The following FGD3 variants were observed in gnomAD, a reference collection of about 807,000 sequenced individuals.
The protein encoded by FGD3 is FYVE, RhoGEF and PH domain containing 3, also known as FYVE, RhoGEF and PH domain-containing protein 3.
A neutral mutation model predicts 71.8 loss-of-function variants in FGD3; 45 were observed. That is an observed-to-expected ratio of 0.63 (90% CI 0.49 to 0.80). The LOEUF is 0.80. Among genes scored for constraint, FGD3 ranks in the 30% least tolerant of loss-of-function variants. The probability of loss-of-function intolerance (pLI) is 0.00; values close to 1 mark genes in which losing one functional copy is unlikely to be tolerated. For synonymous variants in FGD3, 378 were observed against 392.8 expected (o/e 0.96, Z 0.44); for missense variants, 844 against 951.5 (o/e 0.89, Z 1.49).
chr9:92,982,744 G>A (rs1022378284), intron 3 of FGD3, among the ~76,000 whole-genome samples: 1 of 152,022 alleles, frequency 6.6e-6, no homozygotes, highest in Non-Finnish European at 1.5e-5. Context: ...AACGTTATCA[G>A]AAACCTGCAT....
At chr9:93,028,883 T>C (rs966324326) in intron 14 of FGD3, among the ~76,000 whole-genome samples, 27 of 151,178 alleles carry the variant, frequency 1.8e-4, no homozygotes, top group Admixed American at 1.4e-3. Flanking sequence ...CTACACCTGC[T>C]CCAGCCTCCA....
chr9:93,000,367 C>T (rs896485554), intron 3 of FGD3, among the ~76,000 whole-genome samples: 2 of 152,158 alleles, frequency 1.3e-5, no homozygotes, highest in Non-Finnish European at 2.9e-5. Context: ...CATGTGTTCA[C>T]CTTCACTGAA....
chr9:92,984,473 T>C (rs761991938), intron 3 of FGD3, among the ~76,000 whole-genome samples: 40 of 152,326 alleles, frequency 2.6e-4, no homozygotes, highest in Middle Eastern at 3.4e-3. Flanking sequence ...GACAAAGAGG[T>C]TATCTACATA....
At chr9:92,999,868 A>C (rs1860796519) in intron 3 of FGD3, among the ~76,000 whole-genome samples, 1 of 152,108 alleles carries the variant, frequency 6.6e-6, no homozygotes, top group African/African-American at 2.4e-5. Context: ...CTGGGATTAC[A>C]GGTGTGAGCC....
intron 13 of FGD3, 53 bp from the exon 14 acceptor site, chr9:93,022,274 G>A: frequency 6.4e-7 from 1 of 1,569,866 alleles, no homozygotes; most frequent in Non-Finnish European, 8.7e-7. Flanking sequence ...CCGCTGCACA[G>A]TGGCTGCGTG....
chr9:92,994,598 T>C (rs1201960415), intron 3 of FGD3, among the ~76,000 whole-genome samples: 1 of 152,282 alleles, frequency 6.6e-6, no homozygotes, highest in African/African-American at 2.4e-5. Flanking sequence ...AGGGTTTTTA[T>C]GGTTTTAGGT....
intron 1 of FGD3, among the ~76,000 whole-genome samples, chr9:92,955,348 A>C (rs1422361586): frequency 6.6e-6 from 1 of 152,094 alleles, no homozygotes; most frequent in African/African-American, 2.4e-5. Context: ...CAGCCTGACC[A>C]ACATGGAGAA....
intron 3 of FGD3, 57 bp from the exon 4 acceptor site, chr9:93,002,868 G>A (rs1387425733): frequency 1.8e-5 from 28 of 1,567,454 alleles, no homozygotes; most frequent in Non-Finnish European, 2.4e-5. Flanking sequence ...AGCCCGTTAG[G>A]TGCCGATTCC....
chr9:92,983,930 A>G (rs868413783), intron 3 of FGD3, among the ~76,000 whole-genome samples: 1 of 152,264 alleles, frequency 6.6e-6, no homozygotes, highest in Non-Finnish European at 1.5e-5. Flanking sequence ...TCTTGCATGT[A>G]AACTGTTTTT....
At chr9:93,010,450 A>G in intron 7 of FGD3, 66 bp downstream of exon 7, 1 of 1,452,826 alleles carries the variant, frequency 6.9e-7, no homozygotes, top group Non-Finnish European at 9.2e-7. Flanking sequence ...GGGGGTGGGG[A>G]GAGAGGGAGA....
chr9:93,012,651 G>A (rs1861461027), intron 8 of FGD3, among the ~76,000 whole-genome samples: 2 of 146,318 alleles, frequency 1.4e-5, no homozygotes, highest in Admixed American at 1.4e-4. Context: ...CAGGTGTGGT[G>A]GCTCACACCT....
chr9:93,015,790 G>A lies in FGD3; in HGVS notation c.1236G>A (p.Lys412=). The change falls in exon 10 of 18, where the codon AAG becomes AAA. Residue 412 remains lysine (K), a synonymous_variant. Transcript: ENST00000375482. ...CVPKLRLMGQ[K]FSVREKMDIS... ...CCAAGCTGCGGCTCATGGGCCAGAA[G>A]TTCAGCGTCCGGGAGAAGATGGACA... 2 of 1,614,196 alleles carry A rather than the reference G, an allele frequency of 1.2e-6. No individual in the cohort carries two copies. The highest frequency in any genetic ancestry group is 1.7e-6 in the Non-Finnish European group (2 of 1,180,026).
intron 1 of FGD3, among the ~76,000 whole-genome samples, chr9:92,957,025 C>T (rs1859066526): frequency 1.3e-5 from 2 of 152,068 alleles, no homozygotes; most frequent in Admixed American, 1.3e-4. Flanking sequence ...ATATCAGTGG[C>T]TTACTCCTTT....
intron 3 of FGD3, among the ~76,000 whole-genome samples, chr9:92,991,500 A>G (rs750590604): frequency 6.6e-6 from 1 of 152,084 alleles, no homozygotes; most frequent in Non-Finnish European, 1.5e-5. Context: ...GTTTTATTCC[A>G]TTGTGGTAAG....
At chr9:92,959,832 C>G (rs1378527011) in intron 1 of FGD3, among the ~76,000 whole-genome samples, 2 of 151,450 alleles carry the variant, frequency 1.3e-5, no homozygotes, top group East Asian at 1.9e-4. Context: ...TGTCCCATGT[C>G]CTTGTGTCCC....
At chr9:93,019,793 C>T in intron 11 of FGD3, 38 bp from the exon 12 acceptor site, 1 of 1,607,114 alleles carries the variant, frequency 6.2e-7, no homozygotes. Context: ...AGTCAGTATC[C>T]AAGACTGGAT....
At position 93,035,778 on chromosome 9, in the gene FGD3, C is replaced by T; in HGVS notation, c.*189C>T. 1 of 882,582 alleles carries T rather than the reference C, an allele frequency of 1.1e-6. No individual in the cohort carries two copies. Among genetic ancestry groups the T allele is most frequent in the South Asian group, 2.2e-5 (1 of 45,620 alleles). The allele number at this position is 882,582 out of a possible 1,614,324, so 54.7% of individuals were successfully genotyped here. A position where few individuals can be genotyped will look rare whatever the true frequency, so the allele number is the denominator to read the frequency against. ...GGGGCAACCACTGGCCAAGGGTCACCCAGCAAGTTTTGGCTAAGAGCCTGG... is the reference window on the plus strand; with the variant it reads ...GGGGCAACCACTGGCCAAGGGTCACTCAGCAAGTTTTGGCTAAGAGCCTGG... On this transcript the variant is annotated 3_prime_UTR_variant, in exon 18 of 18. Coordinates refer to ENST00000375482, the MANE Select transcript of FGD3 (RefSeq NM_001083536.2).
chr9:92,951,569 G>A (rs12335599), intron 1 of FGD3, among the ~76,000 whole-genome samples: 6 of 152,178 alleles, frequency 3.9e-5, no homozygotes, highest in Non-Finnish European at 7.3e-5. Context: ...CCAGCTACTC[G>A]GGAGACTGAG....
intron 14 of FGD3, among the ~76,000 whole-genome samples, chr9:93,023,881 A>G (rs1862024435): frequency 7.1e-6 from 1 of 140,770 alleles, no homozygotes; most frequent in Non-Finnish European, 1.5e-5. Context: ...AGCTCACTGC[A>G]ACCTCCACTT....
Sources: allele counts gnomAD v4.1 joint callset (sites outside exome capture counted in the v4.1 genomes callset), GRCh38; gene constraint gnomAD v4.1.1; transcripts MANE v1.5; gene names NCBI Gene and HGNC (gene_info 2026-07-23, HGNC 2026-07-21).